Variants in STRC observed in about 807,000 individuals in gnomAD.
STRC encodes the protein stereocilin.
In STRC, 43 loss-of-function variants were observed where a neutral mutation model predicts 103.5. The observed-to-expected ratio is 0.42, with a 90% CI of 0.33 to 0.54. STRC has a LOEUF of 0.54. STRC is among the 20% of genes least tolerant of loss of function. The probability of loss-of-function intolerance (pLI) is 0.14; values close to 1 mark genes in which losing one functional copy is unlikely to be tolerated. For synonymous variants in STRC, 186 were observed against 442.3 expected (o/e 0.42, Z 7.27); for missense variants, 499 against 1,088.5 (o/e 0.46, Z 7.62).
intron 22 of STRC, 75 bp from the exon 23 acceptor site, chr15:43,603,486 G>A: frequency 6.7e-7 from 1 of 1,491,222 alleles, no homozygotes; most frequent in Non-Finnish European, 9.3e-7. Context: ...TAGATAGAGT[G>A]AGTCTTCCAA....
Position 43,600,236 on chromosome 15 carries a change from G to A in STRC, c.5051C>T (p.Thr1684Ile), listed in dbSNP as rs1402242861. Residue 1684 changes from threonine (T) to isoleucine (I), a missense_variant, in exon 27 of 29, where the codon ACT becomes ATT. Physicochemically the swap from Thr to Ile is moderately conservative, Grantham distance 89. Transcript: ENST00000450892. ...AGGGATGACAGAAATGGCAAGAGGA[G>A]TAACGCCCTGGATCTGTCCCCGCAG... Reference protein sequence around the residue: ...ALLRGQIQGVTPLAISVIPPP... With the variant: ...ALLRGQIQGVIPLAISVIPPP... 6 of 1,302,612 alleles carry A rather than the reference G, an allele frequency of 4.6e-6. No homozygotes were observed. Among genetic ancestry groups the A allele is most frequent in the Non-Finnish European group, 6.5e-6 (6 of 924,006 alleles). The allele number at this position is 1,302,612 out of a possible 1,614,324, so 80.7% of individuals were successfully genotyped here.
At chr15:43,607,019 A>G (rs2085715320) in intron 18 of STRC, among the ~76,000 whole-genome samples, 1 of 150,604 alleles carries the variant, frequency 6.6e-6, no homozygotes, top group South Asian at 2.1e-4. Flanking sequence ...AAAAAAGAAA[A>G]AAAAGAAAAA....
rs961928299 is a variant in STRC at position 43,600,632 on chromosome 15, T to C, written c.4895A>G (p.Gln1632Arg). 9 of 1,613,610 alleles carry C rather than the reference T, an allele frequency of 5.6e-6. No homozygotes were observed. Among genetic ancestry groups the C allele is most frequent in the Non-Finnish European group, 7.6e-6 (9 of 1,179,872 alleles). ...AAGTAGGTGGGCCAGAACCTCCAGT[T>C]GTTCCTCAGAGCACTGGAGATGCAG... ...GTLHLQCSEE[Q>R]LEVLAHLLVL... Residue 1632 changes from glutamine (Q) to arginine (R), a missense_variant, in exon 26 of 29, where the codon CAA (glutamine) becomes CGA (arginine). Coordinates refer to ENST00000450892, the MANE Select transcript of STRC (RefSeq NM_153700.2).
At chr15:43,604,537 G>A (rs150396823) in intron 20 of STRC, 86 bp from the exon 21 acceptor site, 114 of 1,608,728 alleles carry the variant, frequency 7.1e-5, no homozygotes, top group Middle Eastern at 1.7e-4. Context: ...CTAGGATTTC[G>A]GACACAGGGC....
chr15:43,605,114 G>A, intron 19 of STRC, 150 bp downstream of exon 19: 3 of 1,505,342 alleles, frequency 2.0e-6, no homozygotes, highest in Admixed American at 4.0e-5. Context: ...AGAACCCAGA[G>A]GCAAAACAGG....
chr15:43,604,482 G>A (rs1167607375), intron 20 of STRC, 31 bp from the exon 21 acceptor site: 1 of 1,557,520 alleles, frequency 6.4e-7, no homozygotes, highest in African/African-American at 1.4e-5. Context: ...GGGGGCTGGG[G>A]AGCTGAGGGA....
At position 43,604,000 on chromosome 15, in the gene STRC, A is replaced by G. The variant is rs1200963920; in HGVS notation, c.4371T>C (p.Leu1457=). ...AGVVRPAAED[L]PEPVPNCADV... Reference sequence around the variant, plus strand: ...TAAGTATTTGGGTAGTTTCACCTGGAAGATCCTCAGCAGCTGGTCGCACCA... The same window carrying G: ...TAAGTATTTGGGTAGTTTCACCTGGGAGATCCTCAGCAGCTGGTCGCACCA... The change falls in exon 22 of 29, where the codon CTT becomes CTC. Residue 1457 remains leucine (L), a synonymous_variant. Transcript: ENST00000450892. The G allele has an allele frequency of 6.2e-7, 1 of 1,613,022 alleles. No homozygotes were observed. The highest frequency in any genetic ancestry group is 1.1e-5 in the South Asian group (1 of 90,960).
chr15:43,608,805 A>G (rs2085729372), intron 16 of STRC, among the ~76,000 whole-genome samples: 1 of 149,560 alleles, frequency 6.7e-6, no homozygotes. Context: ...TCTTATTCCT[A>G]TTTATTCTTG....
At chr15:43,603,208 C>T in intron 23 of STRC, 34 bp downstream of exon 23, 3 of 1,610,468 alleles carry the variant, frequency 1.9e-6, no homozygotes, top group Non-Finnish European at 2.5e-6. Context: ...ATAGCTTCCT[C>T]ATGGCCAACC....
At chr15:43,602,908 G>T (rs2085682223) in intron 23 of STRC, among the ~76,000 whole-genome samples, 1 of 151,358 alleles carries the variant, frequency 6.6e-6, no homozygotes, top group African/African-American at 2.4e-5. Context: ...GCCTCCCAAA[G>T]TTCTGAGATT....
rs748718937 is a variant in STRC at position 43,604,361 on chromosome 15, C to T, written c.4218G>A (p.Arg1406=). The stretch of plus-strand genomic sequence containing the variant: ...CCCTTCCCTTCTTCCTTCATCTCAC[C>T]CTGGGGATCAAGGAAATTGCCTCAG... The part of the protein sequence containing the change: ...LSTEAISLIP[R]EALGPETLER... The change falls in exon 21 of 29, where the codon AGG becomes AGA. Residue 1406 remains arginine, a splice_region_variant and synonymous_variant. Coordinates refer to ENST00000450892, the MANE Select transcript of STRC (RefSeq NM_153700.2). 1.7e-5 allele frequency: 26 copies of T among 1,566,096 alleles called. No homozygotes were observed. Among genetic ancestry groups the T allele is most frequent in the Non-Finnish European group, 2.1e-5 (24 of 1,151,710 alleles).
intron 19 of STRC, 85 bp downstream of exon 19, chr15:43,605,179 G>A (rs1317464713): frequency 4.6e-5 from 72 of 1,567,656 alleles, no homozygotes; most frequent in Non-Finnish European, 6.0e-5. Context: ...AGAAGTAGAG[G>A]GTTGGGGGAC....
chr15:43,603,720 G>C, intron 22 of STRC: 1 of 681,076 alleles, frequency 1.5e-6, no homozygotes, highest in South Asian at 1.9e-5. Flanking sequence ...GATCTCCCCA[G>C]CAGAGAGCTC....
At position 43,601,516 on chromosome 15, in the gene STRC, C is replaced by G; in HGVS notation, c.4581G>C (p.Gln1527His). The change falls in exon 24 of 29, where the codon CAG becomes CAC. Residue 1527 changes from glutamine (Q) to histidine (H), a missense_variant. By Grantham distance (24) the Gln-to-His change is conservative. Coordinates refer to ENST00000450892, the MANE Select transcript of STRC (RefSeq NM_153700.2). The part of the protein sequence containing the change: ...WGPPRGFRPE[Q>H]ILQLGRLLIG... The stretch of plus-strand genomic sequence containing the variant: ...TTAAGAGCCTACCAAGCTGCAGGAT[C>G]TGCTCAGGACGAAATCCCCGGGGGG... 1.9e-6 allele frequency: 3 copies of G among 1,613,892 alleles called. No homozygotes were observed. The highest frequency in any genetic ancestry group is 2.5e-6 in the Non-Finnish European group (3 of 1,179,882).
At chr15:43,603,470 T>A in intron 22 of STRC, 59 bp from the exon 23 acceptor site, 2 of 1,551,568 alleles carry the variant, frequency 1.3e-6, no homozygotes, top group Non-Finnish European at 1.8e-6. Flanking sequence ...CCCAGAGAGA[T>A]ATCTGTAGAT....
chr15:43,614,839 TA>T (rs1269620754), intron 4 of STRC, among the ~76,000 whole-genome samples: 3 of 13,298 alleles, frequency 2.3e-4, no homozygotes, highest in Non-Finnish European at 3.8e-4. Context: ...CTCAGTGAAT[TA>T]ATTATGGTGT....
chr15:43,601,336 A>C, intron 24 of STRC, 60 bp downstream of exon 24: 1 of 1,608,376 alleles, frequency 6.2e-7, no homozygotes, highest in Non-Finnish European at 8.5e-7. Context: ...TAGATGATCT[A>C]TAGGGCTGGG....
chr15:43,604,895 C>A (rs760551768), intron 19 of STRC, 49 bp from the exon 20 acceptor site: 1 of 1,567,338 alleles, frequency 6.4e-7, no homozygotes, highest in South Asian at 1.2e-5. Context: ...ACTCAGAATA[C>A]CAGACACCTT....
chr15:43,603,618 G>T, intron 22 of STRC: 2 of 664,896 alleles, frequency 3.0e-6, no homozygotes, highest in Non-Finnish European at 5.2e-6. Context: ...TTTATAGATG[G>T]AAGACTGAGG....
Sources: gnomAD v4.1 joint callset for allele counts (sites outside exome capture counted in the v4.1 genomes callset) on GRCh38, gnomAD v4.1.1 for gene constraint, MANE v1.5 for transcripts, NCBI Gene and HGNC (gene_info 2026-07-23, HGNC 2026-07-21) for gene names.